The following NECTIN3 variants were observed in gnomAD, a reference collection of about 807,000 sequenced individuals.
NECTIN3 encodes the protein nectin cell adhesion molecule 3, also known as nectin-3.
NECTIN3 carries 8 observed loss-of-function variants against 49.4 expected under a neutral mutation model. The observed-to-expected ratio is 0.16, with a 90% confidence interval of 0.10 to 0.29. NECTIN3 has a LOEUF of 0.29. Among genes scored for constraint, NECTIN3 ranks in the 10% least tolerant of loss-of-function variants. The pLI is 1.00. For synonymous variants in NECTIN3, 277 were observed against 241.1 expected (o/e 1.15, Z -1.38); for missense variants, 581 against 654.6 (o/e 0.89, Z 1.23).
chr3:111,136,888 T>C lies in NECTIN3; in HGVS notation c.*2673T>C, dbSNP rs532299763. The C allele has an allele frequency of 3.1e-6, 3 of 967,338 alleles. No individual in the cohort carries two copies. Among genetic ancestry groups the C allele is most frequent in the Admixed American group, 6.2e-5 (1 of 16,152 alleles). The allele number at this position is 967,338 out of a possible 1,614,324, so 59.9% of individuals were successfully genotyped here. On this transcript the variant is annotated 3_prime_UTR_variant, in exon 6 of 6. Transcript: ENST00000485303. ...AAACTAAAGTAGGCTCGGGGTTAACTTTAAAAGTGATATTTGAGAAGTGCT... is the reference window on the plus strand; with the variant it reads ...AAACTAAAGTAGGCTCGGGGTTAACCTTAAAAGTGATATTTGAGAAGTGCT...
intron 7 of NECTIN3, among the ~76,000 whole-genome samples, chr3:111,164,097 T>G (rs2035272396): frequency 1.3e-5 from 2 of 152,154 alleles, no homozygotes. Context: ...AATTGATATA[T>G]TGACAATCAA....
intron 7 of NECTIN3, among the ~76,000 whole-genome samples, chr3:111,159,879 AT>A (rs1333942226): frequency 3.3e-5 from 5 of 152,182 alleles, no homozygotes; most frequent in African/African-American, 9.6e-5. Flanking sequence ...AAGAACATAA[AT>A]TTTTTAACCC....
Position 111,072,033 on chromosome 3 carries a change from C to T in NECTIN3, c.16C>T (p.Arg6Trp). 3 of 1,533,728 alleles carry T rather than the reference C, an allele frequency of 2.0e-6. No individual in the cohort carries two copies. The highest frequency in any genetic ancestry group is 1.8e-6 in the Non-Finnish European group (2 of 1,139,822). The change falls in exon 1 of 6, where the codon CGG (arginine) becomes TGG (tryptophan). Residue 6 changes from arginine to tryptophan, a missense_variant. Transcript: ENST00000485303. MARTL[R>W]PSPLCPGGGK... ...AGGGTGGGGGATGGCGCGGACCCTG[C>T]GGCCGTCCCCGCTGTGTCCTGGAGG...
At chr3:111,189,483 T>C (rs2035777353), upstream of NECTIN3, among the ~76,000 whole-genome samples, 4 of 152,214 alleles carry the variant, frequency 2.6e-5, no homozygotes, top group African/African-American at 9.6e-5. Flanking sequence ...GGATTAACTC[T>C]TCTCATGGCT....
chr3:111,139,869 ATATAT>A (rs1002499943), downstream of NECTIN3, among the ~76,000 whole-genome samples: 57 of 151,986 alleles, frequency 3.8e-4, no homozygotes, highest in African/African-American at 1.3e-3. Context: ...CTATCTGATA[ATATAT>A]TTAACATGTT....
Position 111,135,343 on chromosome 3 carries a change from T to G in NECTIN3, c.*1128T>G. The G allele has an allele frequency of 1.1e-6, 1 of 944,328 alleles. No homozygotes were observed. Among genetic ancestry groups the G allele is most frequent in the Non-Finnish European group, 1.3e-6 (1 of 792,852 alleles). 58.5% of individuals were successfully genotyped at this position (944,328 alleles called of 1,614,324 possible). A position where few individuals can be genotyped will look rare whatever the true frequency, so the allele number is the denominator to read the frequency against. ...TTTCCTCCTAAGTGTATGTATGTGTTTTAAGATTTCTGTTTTTACGATTAA... is the reference window on the plus strand; with the variant it reads ...TTTCCTCCTAAGTGTATGTATGTGTGTTAAGATTTCTGTTTTTACGATTAA... On this transcript the variant is annotated 3_prime_UTR_variant, in exon 6 of 6. Coordinates refer to ENST00000485303, the MANE Select transcript of NECTIN3 (RefSeq NM_015480.3).
chr3:111,188,533 T>G (rs2035760620), upstream of NECTIN3, among the ~76,000 whole-genome samples: 1 of 152,228 alleles, frequency 6.6e-6, no homozygotes, highest in Non-Finnish European at 1.5e-5. Flanking sequence ...TGTCCTTTAC[T>G]GTCAAATTCA....
chr3:111,193,086 C>A, intron 1 of NECTIN3: 2 of 904,846 alleles, frequency 2.2e-6, no homozygotes, highest in South Asian at 1.8e-5. Context: ...TAGTTTTTGG[C>A]ATAATGAATC....
At chr3:111,100,420 A>G (rs1327462950) in intron 1 of NECTIN3, among the ~76,000 whole-genome samples, 1 of 152,170 alleles carries the variant, frequency 6.6e-6, no homozygotes, top group Non-Finnish European at 1.5e-5. Flanking sequence ...ACAAAATTTT[A>G]AAAAATACTG....
At position 111,144,964 on chromosome 3, in the gene NECTIN3, C is replaced by G. The variant is rs995780840; in HGVS notation, c.1066C>G (p.Leu356Val). The G allele has an allele frequency of 2.6e-6, 4 of 1,536,156 alleles. No individual in the cohort carries two copies. In the African/African-American group the frequency reaches 4.1e-5, roughly 16 times the overall value. ...AGCGGTAATTGGAGCTGTTCTTGCC[C>G]TTTTCATCATTGCTATCTTTGTGAC... Residue 356 changes from leucine to valine, a missense_variant, in exon 6 of 9, where the codon CTT becomes GTT. By Grantham distance (32) the Leu-to-Val change is conservative. Coordinates refer to the NECTIN3 transcript ENST00000493615.
intron 1 of NECTIN3, chr3:111,193,418 A>G (rs1300772315): frequency 6.6e-7 from 1 of 1,511,304 alleles, no homozygotes; most frequent in Non-Finnish European, 8.9e-7. Flanking sequence ...ACAAATGTTT[A>G]TTCTTAGATT....
At chr3:111,171,845 T>G (rs2035439402) in intron 7 of NECTIN3, among the ~76,000 whole-genome samples, 1 of 152,204 alleles carries the variant, frequency 6.6e-6, no homozygotes, top group Non-Finnish European at 1.5e-5. Flanking sequence ...CTTGCCCTGC[T>G]AAAGGTCTGT....
At chr3:111,174,774 A>G (rs58112872) in intron 7 of NECTIN3, among the ~76,000 whole-genome samples, 5,876 of 152,024 alleles carry the variant, frequency 0.039, 148 homozygotes, top group African/African-American at 0.063. Context: ...GCAAGAGCCC[A>G]GGTGTGCATG....
chr3:111,177,159 A>C (rs2035545886), intron 7 of NECTIN3, among the ~76,000 whole-genome samples: 1 of 152,180 alleles, frequency 6.6e-6, no homozygotes, highest in Non-Finnish European at 1.5e-5. Flanking sequence ...AAAGACATAA[A>C]AATTAAGTTT....
At chr3:111,123,746 C>T (rs2034048188) in intron 4 of NECTIN3, among the ~76,000 whole-genome samples, 1 of 152,088 alleles carries the variant, frequency 6.6e-6, no homozygotes, top group Non-Finnish European at 1.5e-5. Flanking sequence ...GCTGCTTTCT[C>T]ATCCATGTGT....
chr3:111,174,559 C>T (rs555795406), intron 7 of NECTIN3, among the ~76,000 whole-genome samples: 1 of 152,152 alleles, frequency 6.6e-6, no homozygotes, highest in East Asian at 1.9e-4. Flanking sequence ...AGATTGTGGA[C>T]TTGTAGTGAT....
chr3:111,148,439 T>C (rs2034928781), intron 7 of NECTIN3, among the ~76,000 whole-genome samples: 1 of 152,190 alleles, frequency 6.6e-6, no homozygotes, highest in Non-Finnish European at 1.5e-5. Flanking sequence ...AGATGTGCCA[T>C]GTTTTCAGAC....
rs1457879955 is a variant in NECTIN3, at chr3:111,072,179, T to C, written c.160+2T>C. On this transcript the variant is annotated splice_donor_variant, in intron 1 of 5. Coordinates refer to ENST00000485303, the MANE Select transcript of NECTIN3 (RefSeq NM_015480.3). LOFTEE classifies it high-confidence loss of function. ...TGCTGCTCTTCTCCAGGCTCTGTGGTAGGTGAACCTCGGCGGCCGGCGTGG... is the reference window on the plus strand; with the variant it reads ...TGCTGCTCTTCTCCAGGCTCTGTGGCAGGTGAACCTCGGCGGCCGGCGTGG... 1 of 1,551,650 alleles carries C rather than the reference T, an allele frequency of 6.4e-7. No individual in the cohort carries two copies. The highest frequency in any genetic ancestry group is 8.7e-7 in the Non-Finnish European group (1 of 1,149,910).
chr3:111,129,850 G>T (rs191607987), intron 5 of NECTIN3, among the ~76,000 whole-genome samples: 1 of 151,590 alleles, frequency 6.6e-6, no homozygotes, highest in Non-Finnish European at 1.5e-5. Context: ...GGGTTTCACC[G>T]TGTTGCCCAG....
Sources: allele counts gnomAD v4.1 joint callset (sites outside exome capture counted in the v4.1 genomes callset), GRCh38; gene constraint gnomAD v4.1.1; transcripts MANE v1.5; gene names NCBI Gene and HGNC (gene_info 2026-07-23, HGNC 2026-07-21).